The following NAPA variants were observed in gnomAD, a reference collection of about 807,000 sequenced individuals.
NAPA encodes the protein alpha-soluble NSF attachment protein.
Under a neutral mutation model 48.0 loss-of-function variants are expected in NAPA, and 18 were observed. That is an observed-to-expected ratio of 0.38 (90% CI 0.26 to 0.56). The LOEUF is 0.56. NAPA is among the 20% of genes least tolerant of loss of function. The probability of loss-of-function intolerance (pLI) is 0.77; values close to 1 mark genes in which losing one functional copy is unlikely to be tolerated. For synonymous variants in NAPA, 152 were observed against 149.9 expected (o/e 1.01, Z -0.10); for missense variants, 315 against 385.0 (o/e 0.82, Z 1.52).
intron 1 of NAPA, among the ~76,000 whole-genome samples, chr19:47,509,737 T>C (rs768295723): frequency 6.6e-6 from 1 of 152,112 alleles, no homozygotes; most frequent in Non-Finnish European, 1.5e-5. Flanking sequence ...ATGCTCAAAA[T>C]ACATACAGGC....
intron 7 of NAPA, chr19:47,492,604 C>G: frequency 2.3e-6 from 1 of 434,080 alleles, no homozygotes; most frequent in South Asian, 2.0e-5. Context: ...TGAGGACCAT[C>G]GGGCCATGGG....
At chr19:47,492,231 G>A (rs910686932) in intron 7 of NAPA, 112 bp from the exon 8 acceptor site, 1 of 938,378 alleles carries the variant, frequency 1.1e-6, no homozygotes, top group Non-Finnish European at 1.6e-6. Context: ...CCCGAGGTGA[G>A]GCCCTGTTAA....
At chr19:47,503,541 C>A in intron 1 of NAPA, 39 bp from the exon 2 acceptor site, 1 of 1,589,760 alleles carries the variant, frequency 6.3e-7, no homozygotes, top group South Asian at 1.1e-5. Context: ...ACAATCTAGT[C>A]GGCTATCCAG....
chr19:47,502,793 C>G (rs1968609152), intron 2 of NAPA, among the ~76,000 whole-genome samples: 1 of 152,300 alleles, frequency 6.6e-6, no homozygotes, highest in South Asian at 2.1e-4. Context: ...CTCCTCCCCA[C>G]CCCTCTCCTC....
At chr19:47,495,855 C>T in intron 3 of NAPA, 1 of 500,214 alleles carries the variant, frequency 2.0e-6, no homozygotes, top group Non-Finnish European at 3.6e-6. Flanking sequence ...GCCCTTCTCT[C>T]CTCGGGCTGC....
At chr19:47,505,948 C>T (rs1294687094) in intron 1 of NAPA, among the ~76,000 whole-genome samples, 4 of 151,908 alleles carry the variant, frequency 2.6e-5, no homozygotes, top group Non-Finnish European at 4.4e-5. Context: ...TCACCCACCT[C>T]ACCTCAGCCA....
intron 4 of NAPA, 139 bp downstream of exon 4, chr19:47,495,411 C>T (rs1354887843): frequency 2.1e-6 from 2 of 938,360 alleles, no homozygotes; most frequent in Non-Finnish European, 3.4e-6. Flanking sequence ...GTGACCTAAT[C>T]CCCCCAGCTC....
Position 47,495,553 on chromosome 19 carries a change from G to A in NAPA, c.339C>T (p.Asp113=), listed in dbSNP as rs540673200. 14 of 1,613,994 alleles carry A rather than the reference G, an allele frequency of 8.7e-6. No homozygotes were observed. The highest frequency in any genetic ancestry group is 6.6e-5 in the South Asian group (6 of 91,078). ...CLMRAIEIYT[D]MGRFTIAAKH... ...AGGACAAGCAAGCAGCCCTTACCAT[G>A]TCTGTGTAGATCTCGATTGCTCGCA... is the stretch of plus-strand genomic sequence containing the variant. Residue 113 remains aspartate (D), a synonymous_variant, in exon 4 of 11, where the codon GAC becomes GAT. Coordinates refer to ENST00000263354, the MANE Select transcript of NAPA (RefSeq NM_003827.4).
chr19:47,510,409 TC>T (rs1968783611), intron 1 of NAPA, among the ~76,000 whole-genome samples: 2 of 152,282 alleles, frequency 1.3e-5, no homozygotes, highest in South Asian at 4.1e-4. Context: ...TAGCTCAACT[TC>T]CAATGACAAT....
chr19:47,503,300 G>A (rs901221561), intron 2 of NAPA, 123 bp downstream of exon 2: 5 of 871,454 alleles, frequency 5.7e-6, no homozygotes, highest in African/African-American at 5.0e-5. Context: ...GTGGCTTTCC[G>A]ATGCCGGAGA....
intron 1 of NAPA, among the ~76,000 whole-genome samples, chr19:47,513,901 G>A (rs1968854760): frequency 9.3e-6 from 1 of 106,980 alleles, no homozygotes; most frequent in Non-Finnish European, 2.0e-5. Flanking sequence ...CCAGGCTGTA[G>A]TGCAGTGGCT....
intron 2 of NAPA, 108 bp downstream of exon 2, chr19:47,503,315 A>G: frequency 1.0e-6 from 1 of 979,846 alleles, no homozygotes; most frequent in Non-Finnish European, 1.7e-6. Context: ...CGGAGAGGGC[A>G]TACAAAGAGA....
chr19:47,506,487 C>G lies in NAPA; in HGVS notation c.99-2985G>C, dbSNP rs577485509. ...CACAGGTCTGCCCACCCCACAGGTC[C>G]CCCAGCTCAGCCTTCCCTTCTTTTT... On this transcript the variant is annotated intron_variant, in intron 1 of 10. Coordinates refer to ENST00000263354, the MANE Select transcript of NAPA (RefSeq NM_003827.4). This position sits in a 1 kb window ranked among gnomAD's most constrained non-coding sequence, Gnocchi z 4.0. 6.6e-6 allele frequency among the ~76,000 whole-genome samples: 1 copy of G among 152,278 alleles called. No individual in the cohort carries two copies. The highest frequency in any genetic ancestry group is 2.4e-5 in the African/African-American group (1 of 41,554).
At position 47,493,279 on chromosome 19, in the gene NAPA, A is replaced by T. The variant is rs1968329815; in HGVS notation, c.421-105T>A. On this transcript the variant is annotated intron_variant, in intron 5 of 10. Transcript: ENST00000263354. The surrounding 1 kb of genome is among the most constrained non-coding windows in gnomAD (Gnocchi z 6.4). ...CCCTGCCTGCCTGGGACACAGCCAG[A>T]CCCCATTCTCCAAGCTCTGCCGGCG... The T allele has an allele frequency of 6.7e-7, 1 of 1,484,754 alleles. No individual in the cohort carries two copies. Among genetic ancestry groups the T allele is most frequent in the Non-Finnish European group, 9.3e-7 (1 of 1,080,806 alleles). 92.0% of individuals were successfully genotyped at this position (1,484,754 alleles called of 1,614,324 possible).
chr19:47,493,037 T>C lies in NAPA; in HGVS notation c.485A>G (p.Asn162Ser). 6.2e-7 allele frequency: 1 copy of C among 1,614,112 alleles called. No individual in the cohort carries two copies. ...ACCAGCCACCTTCAGCAGACACTTG[T>C]TGGCTGAGCTGTGTGGGGAGGAGTA... ...YKGEESNSSANKCLLKVAGYA... is the reference protein window; with the variant it reads ...YKGEESNSSASKCLLKVAGYA... The change falls in exon 7 of 11, where the codon AAC becomes AGC. Residue 162 changes from asparagine to serine, a missense_variant. Asn to Ser is a conservative substitution (Grantham distance 46). Transcript: ENST00000263354. This position sits in a 1 kb window ranked among gnomAD's most constrained non-coding sequence, Gnocchi z 6.4.
At chr19:47,500,824 G>A in intron 2 of NAPA, 75 bp from the exon 3 acceptor site, 1 of 1,191,990 alleles carries the variant, frequency 8.4e-7, no homozygotes, top group Non-Finnish European at 1.2e-6. Context: ...ACACTGCCCT[G>A]GGAGGTGGGT....
chr19:47,492,160 G>A (rs1331243932), intron 7 of NAPA, 41 bp from the exon 8 acceptor site: 10 of 1,567,360 alleles, frequency 6.4e-6, no homozygotes, highest in Non-Finnish European at 8.8e-6. Flanking sequence ...CTCAGGGCAA[G>A]CAGCCAGAGG....
intron 1 of NAPA, among the ~76,000 whole-genome samples, chr19:47,511,386 T>G (rs989324598): frequency 2.0e-5 from 3 of 152,198 alleles, no homozygotes; most frequent in African/African-American, 7.2e-5. Context: ...CCCTGCCCTC[T>G]GCCCTAACCT....
intron 1 of NAPA, among the ~76,000 whole-genome samples, chr19:47,508,026 C>T (rs954448049): frequency 6.6e-6 from 1 of 152,194 alleles, no homozygotes; most frequent in African/African-American, 2.4e-5. Flanking sequence ...GCCCCCACCC[C>T]TCCTCTAGAT....
Sources: allele counts gnomAD v4.1 joint callset (sites outside exome capture counted in the v4.1 genomes callset), GRCh38; gene constraint gnomAD v4.1.1; non-coding constraint Gnocchi (gnomAD v3.1); transcripts MANE v1.5; gene names NCBI Gene and HGNC (gene_info 2026-07-23, HGNC 2026-07-21).